Variants in SMOC2 observed in about 807,000 individuals in gnomAD.
The protein encoded by SMOC2 is SPARC-related modular calcium-binding protein 2.
Under a neutral mutation model 61.4 loss-of-function variants are expected in SMOC2, and 39 were observed. The ratio of observed to expected loss-of-function variants is 0.64; its 90% confidence interval spans 0.49 to 0.83. The LOEUF (loss-of-function observed/expected upper bound fraction) is 0.83. SMOC2 is among the 40% of genes least tolerant of loss of function. SMOC2 has a pLI of 0.00. For missense variants in SMOC2, 556 were observed against 592.9 expected, an observed-to-expected ratio of 0.94 and a Z score of 0.65; for synonymous variants, 247 against 239.9, an observed-to-expected ratio of 1.03 and a Z score of -0.27.
At chr6:168,462,041 G>GT (rs200125212) in intron 1 of SMOC2, among the ~76,000 whole-genome samples, 1,700 of 151,708 alleles carry the variant, frequency 0.011, 30 homozygotes, top group African/African-American at 0.035. Context: ...TTATTTATCA[G>GT]TTTTTTTTGA....
chr6:168,471,878 C>T (rs1781973820), intron 1 of SMOC2, among the ~76,000 whole-genome samples: 1 of 152,116 alleles, frequency 6.6e-6, no homozygotes, highest in Non-Finnish European at 1.5e-5. Flanking sequence ...AAGTCCTGTG[C>T]CCATTTTTCA....
intron 7 of SMOC2, among the ~76,000 whole-genome samples, chr6:168,560,006 C>T (rs1460156402): frequency 6.6e-6 from 1 of 152,196 alleles, no homozygotes; most frequent in Non-Finnish European, 1.5e-5. Context: ...TTTATTCATT[C>T]CCCAGGAATG....
rs1783707322 is a variant in SMOC2, at chr6:168,535,345, A to G, written c.463+7618A>G. 6.6e-6 allele frequency among the ~76,000 whole-genome samples: 1 copy of G among 152,140 alleles called. No individual in the cohort carries two copies. Among genetic ancestry groups the G allele is most frequent in the Admixed American group, 6.5e-5 (1 of 15,268 alleles). On this transcript the variant is annotated intron_variant, in intron 4 of 12. Transcript: ENST00000356284. The surrounding 1 kb of genome is among the most constrained non-coding windows in gnomAD (Gnocchi z 4.6). Reference sequence around the variant, plus strand: ...ATTATTTTTTGGACAAATGCTAATTATTTTACAGCACCTTTTTTCACTATA... The same window carrying G: ...ATTATTTTTTGGACAAATGCTAATTGTTTTACAGCACCTTTTTTCACTATA...
chr6:168,512,308 C>G (rs1213514179), intron 2 of SMOC2, among the ~76,000 whole-genome samples: 4 of 152,164 alleles, frequency 2.6e-5, no homozygotes, highest in Non-Finnish European at 5.9e-5. Flanking sequence ...CCTGAGCTCA[C>G]CAGGCTGCCC....
chr6:168,575,381 A>G (rs551359965), intron 7 of SMOC2, among the ~76,000 whole-genome samples: 1 of 152,150 alleles, frequency 6.6e-6, no homozygotes, highest in East Asian at 1.9e-4. Context: ...CTCTCCTAGC[A>G]TATCTAGTAA....
At chr6:168,450,366 C>T (rs917144848) in intron 1 of SMOC2, among the ~76,000 whole-genome samples, 1 of 152,176 alleles carries the variant, frequency 6.6e-6, no homozygotes, top group Non-Finnish European at 1.5e-5. Context: ...TGAATGAAGG[C>T]TGAGAGTTGT....
At chr6:168,500,873 C>A (rs893111602) in intron 1 of SMOC2, among the ~76,000 whole-genome samples, 9 of 152,156 alleles carry the variant, frequency 5.9e-5, no homozygotes, top group Non-Finnish European at 1.0e-4. Context: ...GGATAAGAAG[C>A]ACTTTTGTAG....
At chr6:168,617,837 C>T (rs901986792) in intron 9 of SMOC2, among the ~76,000 whole-genome samples, 11 of 152,190 alleles carry the variant, frequency 7.2e-5, no homozygotes, top group African/African-American at 1.9e-4. Context: ...TTCTTCTCTC[C>T]GCCATGCATG....
rs1781479307 is a variant in SMOC2 at position 168,452,042 on chromosome 6, C to T, written c.84+10588C>T. ...ACCACAGGAGGGAGCCCCAGAATGG[C>T]TGAGCTCTGTCTTTTAGGGGAGGGT... is the stretch of plus-strand genomic sequence containing the variant. On this transcript the variant is annotated intron_variant, in intron 1 of 12. Coordinates refer to ENST00000356284, the MANE Select transcript of SMOC2 (RefSeq NM_001166412.2). The surrounding 1 kb of genome is among the most constrained non-coding windows in gnomAD (Gnocchi z 5.0). 6.6e-6 allele frequency among the ~76,000 whole-genome samples: 1 copy of T among 152,190 alleles called. No homozygotes were observed. The highest frequency in any genetic ancestry group is 2.1e-4 in the South Asian group (1 of 4,832).
intron 4 of SMOC2, among the ~76,000 whole-genome samples, chr6:168,539,336 G>T (rs950335799): frequency 6.6e-6 from 1 of 152,150 alleles, no homozygotes; most frequent in South Asian, 2.1e-4. Flanking sequence ...GGGGCTGGCC[G>T]GCTTTCTTGA....
At chr6:168,613,387 T>C (rs77479604) in intron 9 of SMOC2, among the ~76,000 whole-genome samples, 39,142 of 152,064 alleles carry the variant, frequency 0.26, 5,158 homozygotes, top group Non-Finnish European at 0.27. Context: ...AGGAGCCCCT[T>C]GGGGAGCCTG....
At chr6:168,599,075 C>T (rs1026464681) in intron 8 of SMOC2, 71 bp downstream of exon 8, 1 of 1,339,260 alleles carries the variant, frequency 7.5e-7, no homozygotes, top group Non-Finnish European at 1.0e-6. Context: ...GAAAGCAGAA[C>T]CCCCACTTCC....
chr6:168,531,946 A>G (rs1783614187), intron 4 of SMOC2, among the ~76,000 whole-genome samples: 1 of 152,098 alleles, frequency 6.6e-6, no homozygotes. Context: ...AGGGCTCTGG[A>G]GAGTGGGGTG....
chr6:168,443,644 G>A (rs1781267644), intron 1 of SMOC2, among the ~76,000 whole-genome samples: 1 of 152,238 alleles, frequency 6.6e-6, no homozygotes, highest in Non-Finnish European at 1.5e-5. Flanking sequence ...TGGTCGCTGG[G>A]AGATGTGAGA....
intron 9 of SMOC2, among the ~76,000 whole-genome samples, chr6:168,620,007 T>G (rs1017180301): frequency 6.6e-6 from 1 of 152,222 alleles, no homozygotes; most frequent in Admixed American, 6.5e-5. Flanking sequence ...TCCCTGAGGT[T>G]GGCAGTCACT....
intron 9 of SMOC2, among the ~76,000 whole-genome samples, chr6:168,626,452 G>GT (rs1786412353): frequency 1.3e-5 from 2 of 152,304 alleles, no homozygotes; most frequent in African/African-American, 4.8e-5. Context: ...TTTTCTCTAT[G>GT]TTTTATGAAG....
chr6:168,623,745 A>G (rs1786309769), intron 9 of SMOC2, among the ~76,000 whole-genome samples: 1 of 152,066 alleles, frequency 6.6e-6, no homozygotes, highest in South Asian at 2.1e-4. Flanking sequence ...TGAGTCTGGG[A>G]GTTCCCATCT....
intron 1 of SMOC2, among the ~76,000 whole-genome samples, chr6:168,477,894 C>T (rs1352402606): frequency 1.3e-5 from 2 of 152,192 alleles, no homozygotes; most frequent in African/African-American, 4.8e-5. Context: ...CCGCGACCCA[C>T]TCGATTCTTC....
At chr6:168,571,787 A>G (rs1784671266) in intron 7 of SMOC2, among the ~76,000 whole-genome samples, 2 of 152,096 alleles carry the variant, frequency 1.3e-5, no homozygotes, top group South Asian at 2.1e-4. Context: ...TGTTCACTGA[A>G]CGCAATGTTC....
Sources: gnomAD v4.1 joint callset for allele counts (sites outside exome capture counted in the v4.1 genomes callset) on GRCh38, gnomAD v4.1.1 for gene constraint, Gnocchi (gnomAD v3.1) non-coding constraint, MANE v1.5 for transcripts, NCBI Gene and HGNC (gene_info 2026-07-23, HGNC 2026-07-21) for gene names.